PALLD: variants seen among roughly 807,000 people sequenced by gnomAD.
PALLD encodes the protein palladin, cytoskeletal associated protein.
A neutral mutation model predicts 123.5 loss-of-function variants in PALLD; 61 were observed. The observed-to-expected ratio is 0.49, with a 90% CI of 0.40 to 0.61. PALLD has a LOEUF of 0.61. Ranked by LOEUF, PALLD falls within the 20% of genes least tolerant of loss-of-function variation. The pLI is 0.00. For synonymous variants in PALLD, 465 were observed against 496.4 expected (o/e 0.94, Z 0.84); for missense variants, 1,273 against 1,377.0 (o/e 0.92, Z 1.20).
At chr4:168,633,894 T>C (rs1776081248) in intron 2 of PALLD, among the ~76,000 whole-genome samples, 1 of 152,222 alleles carries the variant, frequency 6.6e-6, no homozygotes, top group Non-Finnish European at 1.5e-5. Flanking sequence ...GGACATCCAA[T>C]ACATTTACCA....
At chr4:168,911,725 A>G (rs1758993779) in intron 15 of PALLD, among the ~76,000 whole-genome samples, 1 of 152,186 alleles carries the variant, frequency 6.6e-6, no homozygotes, top group Non-Finnish European at 1.5e-5. Flanking sequence ...TTAGCATAAG[A>G]ATCTGTATCA....
chr4:168,571,213 T>C (rs1002055650), intron 2 of PALLD, among the ~76,000 whole-genome samples: 5 of 152,198 alleles, frequency 3.3e-5, no homozygotes, highest in Admixed American at 3.3e-4. Context: ...CCTCTTTTCC[T>C]TCTGCTTCAT....
chr4:168,520,347 A>AG (rs11420544), intron 2 of PALLD, among the ~76,000 whole-genome samples: 63 of 84,040 alleles, frequency 7.5e-4, no homozygotes, highest in African/African-American at 1.5e-3. Flanking sequence ...AAAAAAAAAA[A>AG]AGAGAGAGAG....
intron 2 of PALLD, among the ~76,000 whole-genome samples, chr4:168,618,573 A>G (rs1774450146): frequency 6.6e-6 from 1 of 152,132 alleles, no homozygotes; most frequent in Non-Finnish European, 1.5e-5. Context: ...AACCCCTTTC[A>G]TTGTACAAAA....
intron 10 of PALLD, among the ~76,000 whole-genome samples, chr4:168,851,915 G>A (rs6852229): frequency 0.91 from 139,225 of 152,170 alleles, 63,752 homozygotes; most frequent in East Asian, 1. Flanking sequence ...ACTTGCTGTT[G>A]AGGACAGGAA....
At chr4:168,871,629 T>G (rs527770949) in intron 10 of PALLD, among the ~76,000 whole-genome samples, 5 of 152,222 alleles carry the variant, frequency 3.3e-5, no homozygotes, top group Admixed American at 2.0e-4. Flanking sequence ...TCAACTAATA[T>G]CTTCCTGCTG....
At chr4:168,562,385 T>C (rs1437146044) in intron 2 of PALLD, among the ~76,000 whole-genome samples, 1 of 152,226 alleles carries the variant, frequency 6.6e-6, no homozygotes, top group Non-Finnish European at 1.5e-5. Context: ...AGTAAGTCTG[T>C]GTTCTAAGCA....
chr4:168,915,285 T>C (rs765955800), intron 16 of PALLD, among the ~76,000 whole-genome samples: 8 of 152,224 alleles, frequency 5.3e-5, no homozygotes, highest in Non-Finnish European at 8.8e-5. Flanking sequence ...TACTTTCAAC[T>C]GTATTCCTCT....
chr4:168,753,433 G>A (rs965896586), intron 10 of PALLD, among the ~76,000 whole-genome samples: 2 of 151,448 alleles, frequency 1.3e-5, no homozygotes, highest in Non-Finnish European at 2.9e-5. Flanking sequence ...GAGTTGGGAG[G>A]GATTTGAGAA....
At chr4:168,647,780 C>CAAAAAAAAAAAAA (rs34790739) in intron 2 of PALLD, 3 of 79,140 alleles carry the variant, frequency 3.8e-5, no homozygotes, top group African/African-American at 5.0e-5. Context: ...GACTCTGTCT[C>CAAAAAAAAAAAAA]AAAAAAAAAA....
intron 10 of PALLD, among the ~76,000 whole-genome samples, chr4:168,867,176 C>A (rs1177776819): frequency 6.6e-6 from 1 of 152,138 alleles, no homozygotes; most frequent in African/African-American, 2.4e-5. Context: ...CCTCTCTCCT[C>A]GGGTTTTTGT....
intron 2 of PALLD, among the ~76,000 whole-genome samples, chr4:168,560,768 A>T (rs542695858): frequency 3.9e-5 from 6 of 152,194 alleles, no homozygotes; most frequent in Non-Finnish European, 8.8e-5. Context: ...GTTTTGTGGA[A>T]GGCAGGTCTA....
At chr4:168,874,064 G>A (rs1297633960) in intron 10 of PALLD, among the ~76,000 whole-genome samples, 1 of 152,212 alleles carries the variant, frequency 6.6e-6, no homozygotes, top group Non-Finnish European at 1.5e-5. Flanking sequence ...GTTCTGGTTT[G>A]TAAAGTAACC....
At chr4:168,656,310 C>G (rs1778564849) in intron 2 of PALLD, among the ~76,000 whole-genome samples, 1 of 140,846 alleles carries the variant, frequency 7.1e-6, no homozygotes, top group South Asian at 2.2e-4. Context: ...ATGTAGGTAA[C>G]TTTGAAGTGT....
intron 10 of PALLD, among the ~76,000 whole-genome samples, chr4:168,818,346 C>T (rs1263485353): frequency 6.6e-6 from 1 of 151,996 alleles, no homozygotes; most frequent in East Asian, 1.9e-4. Context: ...GCCTGTAATC[C>T]CAGCACTTTG....
chr4:168,775,155 A>G (rs552579036), intron 10 of PALLD, among the ~76,000 whole-genome samples: 27 of 152,160 alleles, frequency 1.8e-4, no homozygotes, highest in Non-Finnish European at 3.5e-4. Context: ...TTACCTTTCC[A>G]CCATGATTGT....
At chr4:168,511,346 A>G (rs1762513203) in intron 1 of PALLD, 77 bp from the exon 2 acceptor site, 1 of 621,340 alleles carries the variant, frequency 1.6e-6, no homozygotes, top group Admixed American at 2.9e-5. Flanking sequence ...GTTTCTCCCA[A>G]TTTGTGACTT....
Position 168,878,193 on chromosome 4 carries a change from C to T in PALLD, c.1965-12729C>T. Reference sequence around the variant, plus strand: ...CCCCCGGTCTTCAGCCCCACGGCTGCCTTCCCGGTGCCCGACGTGTTCCCA... The same window carrying T: ...CCCCCGGTCTTCAGCCCCACGGCTGTCTTCCCGGTGCCCGACGTGTTCCCA... On this transcript the variant is annotated intron_variant, in intron 10 of 21. Coordinates refer to ENST00000505667, the MANE Select transcript of PALLD (RefSeq NM_001166108.2). The T allele has an allele frequency of 1.3e-6, 2 of 1,512,020 alleles. No homozygotes were observed. The allele number at this position is 1,512,020 out of a possible 1,614,324, so 93.7% of individuals were successfully genotyped here.
At chr4:168,569,042 A>G (rs796410677) in intron 2 of PALLD, among the ~76,000 whole-genome samples, 10 of 152,252 alleles carry the variant, frequency 6.6e-5, no homozygotes, top group African/African-American at 2.4e-4. Flanking sequence ...ACTTTTTGCA[A>G]CAGCTGTTAA....
Sources: gnomAD v4.1 joint callset for allele counts (sites outside exome capture counted in the v4.1 genomes callset) on GRCh38, gnomAD v4.1.1 for gene constraint, MANE v1.5 for transcripts, NCBI Gene and HGNC (gene_info 2026-07-23, HGNC 2026-07-21) for gene names.